The following ADAMTSL1 variants were observed in gnomAD, a reference collection of about 807,000 sequenced individuals.
ADAMTSL1 encodes ADAMTS like 1, also known as ADAMTS-like protein 1.
ADAMTSL1 carries 126 observed loss-of-function variants against 201.8 expected under a neutral mutation model. The observed-to-expected ratio is 0.62, with a 90% CI of 0.54 to 0.72. The LOEUF is 0.72. Ranked by LOEUF, ADAMTSL1 falls within the 30% of genes least tolerant of loss-of-function variation. The pLI, the probability that ADAMTSL1 is intolerant of heterozygous loss-of-function variation, is 0.00. For synonymous variants in ADAMTSL1, 1,121 were observed against 903.4 expected (o/e 1.24, Z -4.32); for missense variants, 2,679 against 2,277.8 (o/e 1.18, Z -3.59).
chr9:18,028,236 C>T (rs1190261556), intron 1 of ADAMTSL1, among the ~76,000 whole-genome samples: 1 of 151,962 alleles, frequency 6.6e-6, no homozygotes, highest in Non-Finnish European at 1.5e-5. Context: ...TGTGTAGTTG[C>T]TTTAGGAGTC....
At chr9:18,897,080 TGAG>T (rs1371484754) in intron 26 of ADAMTSL1, among the ~76,000 whole-genome samples, 1 of 152,132 alleles carries the variant, frequency 6.6e-6, no homozygotes, top group Non-Finnish European at 1.5e-5. Context: ...GCAGCCCAGG[TGAG>T]GAGAAGTCCC....
intron 1 of ADAMTSL1, among the ~76,000 whole-genome samples, chr9:18,495,255 G>A (rs768977773): frequency 3.3e-5 from 5 of 152,178 alleles, no homozygotes; most frequent in Non-Finnish European, 5.9e-5. Flanking sequence ...GAAAACATAA[G>A]CATGCAGGAT....
chr9:18,873,363 G>C (rs1458620760), intron 23 of ADAMTSL1, among the ~76,000 whole-genome samples: 1 of 152,118 alleles, frequency 6.6e-6, no homozygotes, highest in East Asian at 1.9e-4. Flanking sequence ...TGGTCATGAA[G>C]TCTTTGCTGA....
chr9:18,903,494 T>C (rs932939976), intron 26 of ADAMTSL1, among the ~76,000 whole-genome samples: 6 of 152,210 alleles, frequency 3.9e-5, no homozygotes, highest in African/African-American at 1.4e-4. Flanking sequence ...GCTCCTGAGT[T>C]GCTGACAGCA....
intron 1 of ADAMTSL1, among the ~76,000 whole-genome samples, chr9:17,982,187 A>G (rs1818735016): frequency 6.6e-6 from 1 of 152,178 alleles, no homozygotes; most frequent in Non-Finnish European, 1.5e-5. Context: ...ATACACATTC[A>G]TTACTGACAT....
intron 1 of ADAMTSL1, among the ~76,000 whole-genome samples, chr9:17,916,313 A>G (rs1232262251): frequency 6.6e-6 from 1 of 152,176 alleles, no homozygotes; most frequent in Non-Finnish European, 1.5e-5. Flanking sequence ...TTTGCTTGGC[A>G]GAAGCTTTTA....
intron 2 of ADAMTSL1, among the ~76,000 whole-genome samples, chr9:18,243,349 G>A (rs1419613406): frequency 6.6e-6 from 1 of 152,034 alleles, no homozygotes; most frequent in African/African-American, 2.4e-5. Context: ...ATTGATAGAT[G>A]CTTAACAATC....
chr9:18,314,263 G>A (rs970502346), intron 2 of ADAMTSL1, among the ~76,000 whole-genome samples: 2 of 152,144 alleles, frequency 1.3e-5, no homozygotes, highest in Non-Finnish European at 2.9e-5. Context: ...CAGCCAATAT[G>A]GAAAACAGTA....
intron 19 of ADAMTSL1, 69 bp downstream of exon 19, chr9:18,777,975 T>A: frequency 6.7e-7 from 1 of 1,503,294 alleles, no homozygotes; most frequent in Non-Finnish European, 8.9e-7. Flanking sequence ...GTCACACTAC[T>A]TACACATTCT....
chr9:18,735,752 T>TCTTTTC (rs5896801), intron 15 of ADAMTSL1, among the ~76,000 whole-genome samples: 1 of 138,678 alleles, frequency 7.2e-6, no homozygotes, highest in Admixed American at 7.1e-5. Flanking sequence ...TTTTTTCTTT[T>TCTTTTC]TTTTTTTTTT....
At chr9:18,852,868 G>A (rs1393654518) in intron 23 of ADAMTSL1, among the ~76,000 whole-genome samples, 1 of 152,156 alleles carries the variant, frequency 6.6e-6, no homozygotes, top group Admixed American at 6.5e-5. Flanking sequence ...CCTAGTTGTT[G>A]CCTTATTCCT....
chr9:18,229,162 G>A (rs1286021039), intron 2 of ADAMTSL1, among the ~76,000 whole-genome samples: 2 of 152,100 alleles, frequency 1.3e-5, no homozygotes, highest in African/African-American at 2.4e-5. Flanking sequence ...TTTAGGAGGA[G>A]GTGAGCAGCT....
chr9:18,367,666 G>C (rs1327372725), intron 2 of ADAMTSL1, among the ~76,000 whole-genome samples: 1 of 151,976 alleles, frequency 6.6e-6, no homozygotes, highest in Non-Finnish European at 1.5e-5. Flanking sequence ...ATAACTTTAT[G>C]AGCTACATAC....
chr9:18,155,772 G>C (rs1425363159), intron 1 of ADAMTSL1, among the ~76,000 whole-genome samples: 2 of 151,964 alleles, frequency 1.3e-5, no homozygotes, highest in Non-Finnish European at 2.9e-5. Flanking sequence ...GGCCTGTTTT[G>C]ATACAGATAG....
chr9:18,658,288 T>C (rs1828849140), intron 8 of ADAMTSL1, among the ~76,000 whole-genome samples: 1 of 152,232 alleles, frequency 6.6e-6, no homozygotes, highest in Non-Finnish European at 1.5e-5. Flanking sequence ...AAACAGTCTT[T>C]ACTTCTCTCC....
chr9:17,945,653 C>G (rs1827433678), intron 1 of ADAMTSL1, among the ~76,000 whole-genome samples: 1 of 152,194 alleles, frequency 6.6e-6, no homozygotes, highest in Non-Finnish European at 1.5e-5. Flanking sequence ...ATGATGAATT[C>G]ACATCCTTTG....
At chr9:18,840,301 C>T (rs1825630612) in intron 23 of ADAMTSL1, among the ~76,000 whole-genome samples, 1 of 151,992 alleles carries the variant, frequency 6.6e-6, no homozygotes, top group Non-Finnish European at 1.5e-5. Context: ...GAATCCTTTC[C>T]CCATTGCTTG....
At chr9:18,885,850 G>A (rs141040664) in intron 23 of ADAMTSL1, among the ~76,000 whole-genome samples, 169 of 152,104 alleles carry the variant, frequency 1.1e-3, no homozygotes, top group African/African-American at 4.0e-3. Context: ...TCCAGGCGTC[G>A]GATAGAAGGC....
intron 1 of ADAMTSL1, among the ~76,000 whole-genome samples, chr9:18,004,803 A>T (rs1391200947): frequency 7.9e-5 from 12 of 152,082 alleles, no homozygotes; most frequent in Non-Finnish European, 1.5e-5. Flanking sequence ...GAGCATTAAG[A>T]CAGCAGAGCT....
Sources: allele counts gnomAD v4.1 joint callset (sites outside exome capture counted in the v4.1 genomes callset), GRCh38; gene constraint gnomAD v4.1.1; transcripts MANE v1.5; gene names NCBI Gene and HGNC (gene_info 2026-07-23, HGNC 2026-07-21).